Variants in COL21A1 observed in about 807,000 individuals in gnomAD.
The protein encoded by COL21A1 is collagen alpha-1(XXI) chain.
A neutral mutation model predicts 137.9 loss-of-function variants in COL21A1; 149 were observed. That is an observed-to-expected ratio of 1.08 (90% CI 0.95 to 1.24). The LOEUF (loss-of-function observed/expected upper bound fraction) is 1.24. Ranked by LOEUF, COL21A1 falls within the 50% of genes most tolerant of loss-of-function variation. COL21A1 has a pLI of 0.00. For synonymous variants in COL21A1, 456 were observed against 391.5 expected, an observed-to-expected ratio of 1.16 and a Z score of -1.95; for missense variants, 1,167 against 1,158.4, an observed-to-expected ratio of 1.01 and a Z score of -0.11.
chr6:56,368,101 C>A (rs1307198988), intron 1 of COL21A1, among the ~76,000 whole-genome samples: 1 of 152,178 alleles, frequency 6.6e-6, no homozygotes, highest in Non-Finnish European at 1.5e-5. Flanking sequence ...AAAATTTTAA[C>A]CTTTTCTAAT....
chr6:56,173,015 A>C (rs1011886793), intron 3 of COL21A1, among the ~76,000 whole-genome samples: 2 of 152,166 alleles, frequency 1.3e-5, no homozygotes, highest in African/African-American at 4.8e-5. Context: ...ACAGAAAATA[A>C]TTACCAAAAT....
chr6:56,244,055 C>T (rs1925157), intron 1 of COL21A1, among the ~76,000 whole-genome samples: 128,876 of 152,150 alleles, frequency 0.85, 54,742 homozygotes, highest in Admixed American at 0.91. Context: ...AGTTTCAAGA[C>T]TGACCTTAAT....
intron 1 of COL21A1, among the ~76,000 whole-genome samples, chr6:56,222,729 G>A (rs552747223): frequency 1.3e-5 from 2 of 151,400 alleles, no homozygotes; most frequent in Non-Finnish European, 2.9e-5. Context: ...TTTTCATGAG[G>A]TTATCAATCA....
At chr6:56,106,885 C>T (rs1020633352) in intron 16 of COL21A1, among the ~76,000 whole-genome samples, 1 of 151,998 alleles carries the variant, frequency 6.6e-6, no homozygotes, top group Non-Finnish European at 1.5e-5. Flanking sequence ...CTCCCGGGTT[C>T]ACGCCATTCT....
Position 56,340,777 on chromosome 6 carries a change from C to A in COL21A1, c.-39+53194G>T, listed in dbSNP as rs186242265. Among the ~76,000 whole-genome samples, 303 of 152,272 alleles carry A rather than the reference C, an allele frequency of 2.0e-3. 2 individuals carry two copies. The highest frequency in any genetic ancestry group is 6.9e-3 in the African/African-American group (287 of 41,546). ...AAAATCATGATAAATTAGTTAATAT[C>A]CACAAGTGATTTTAGATTGGGTTGG... On this transcript the variant is annotated intron_variant, in intron 1 of 28. Coordinates refer to the COL21A1 transcript ENST00000370819.
intron 1 of COL21A1, among the ~76,000 whole-genome samples, chr6:56,364,101 T>C (rs767192753): frequency 6.6e-6 from 1 of 151,932 alleles, no homozygotes; most frequent in Non-Finnish European, 1.5e-5. Flanking sequence ...AAAACAAATA[T>C]CTACATCTTT....
chr6:56,077,201 C>A (rs62406157), intron 18 of COL21A1, among the ~76,000 whole-genome samples: 22,987 of 151,148 alleles, frequency 0.15, 1,777 homozygotes, highest in Middle Eastern at 0.22. Flanking sequence ...TATTACCAAG[C>A]TATCTGTACT....
At chr6:56,292,671 G>C (rs545018338) in intron 1 of COL21A1, among the ~76,000 whole-genome samples, 46 of 152,086 alleles carry the variant, frequency 3.0e-4, no homozygotes, top group Non-Finnish European at 6.5e-4. Context: ...GAAATAACTG[G>C]TCAGTGCATG....
chr6:56,221,203 G>A (rs1302582756), intron 1 of COL21A1, among the ~76,000 whole-genome samples: 5 of 152,032 alleles, frequency 3.3e-5, no homozygotes, highest in Non-Finnish European at 1.5e-5. Flanking sequence ...AACCACAGAT[G>A]TTCCCAGATA....
At chr6:56,323,074 G>A (rs993101152) in intron 1 of COL21A1, among the ~76,000 whole-genome samples, 2 of 152,040 alleles carry the variant, frequency 1.3e-5, no homozygotes, top group African/African-American at 4.8e-5. Context: ...TGGGTACAAT[G>A]TACACTATTT....
rs767431867 is a variant in COL21A1, at chr6:56,170,724, G to T, written c.951C>A (p.Asp317Glu). ...TGGTTGTTGTAAATAATAAGATTTT[G>T]TCCACACCATTTAAGGTAACTGCTA... ...PQIAVTLNGV[D>E]KILLFTTTSV... Residue 317 changes from aspartate to glutamate, a missense_variant, in exon 5 of 30, where the codon GAC (aspartate) becomes GAA (glutamate). By Grantham distance (45) the Asp-to-Glu change is conservative (BLOSUM62 2). Coordinates refer to ENST00000244728, the MANE Select transcript of COL21A1 (RefSeq NM_030820.4). 3.7e-6 allele frequency: 6 copies of T among 1,607,418 alleles called. No individual in the cohort carries two copies. Among genetic ancestry groups the T allele is most frequent in the Non-Finnish European group, 5.1e-6 (6 of 1,176,096 alleles).
chr6:56,150,821 C>A (rs1244628915), intron 10 of COL21A1, among the ~76,000 whole-genome samples: 1 of 152,182 alleles, frequency 6.6e-6, no homozygotes, highest in Non-Finnish European at 1.5e-5. Flanking sequence ...AACAGAGAAA[C>A]TGAGGCCCAT....
At chr6:56,272,869 CT>C (rs2152332694) in intron 1 of COL21A1, among the ~76,000 whole-genome samples, 2 of 152,310 alleles carry the variant, frequency 1.3e-5, no homozygotes, top group Non-Finnish European at 2.9e-5. Flanking sequence ...CCATATGGAA[CT>C]GTGTGTCAAT....
At chr6:56,265,439 A>C (rs1399268802) in intron 1 of COL21A1, among the ~76,000 whole-genome samples, 1 of 152,234 alleles carries the variant, frequency 6.6e-6, no homozygotes, top group Admixed American at 6.5e-5. Context: ...AACTAAGGAG[A>C]CAACTGTCCC....
At chr6:56,132,166 T>A (rs796683929) in intron 12 of COL21A1, among the ~76,000 whole-genome samples, 4 of 151,420 alleles carry the variant, frequency 2.6e-5, no homozygotes, top group Non-Finnish European at 4.4e-5. Context: ...AGATAAAAAA[T>A]TTTTAGGTTA....
chr6:56,159,565 T>A (rs1661664325), intron 9 of COL21A1, among the ~76,000 whole-genome samples: 1 of 151,550 alleles, frequency 6.6e-6, no homozygotes. Context: ...ACTCCTGACC[T>A]CATGATCCAT....
intron 1 of COL21A1, among the ~76,000 whole-genome samples, chr6:56,213,058 A>G (rs1325230612): frequency 2.0e-5 from 3 of 152,066 alleles, no homozygotes; most frequent in Admixed American, 1.3e-4. Context: ...TTTCTTTTCT[A>G]TTAAAAAGTA....
intron 17 of COL21A1, 22 bp from the exon 18 acceptor site, chr6:56,077,595 T>C: frequency 6.9e-7 from 1 of 1,457,058 alleles, no homozygotes; most frequent in Non-Finnish European, 9.3e-7. Flanking sequence ...TAAAATAGAT[T>C]TTTAACTTAT....
chr6:56,311,963 T>C (rs957640103), intron 1 of COL21A1, among the ~76,000 whole-genome samples: 1 of 152,142 alleles, frequency 6.6e-6, no homozygotes, highest in Admixed American at 6.5e-5. Flanking sequence ...GACTGAAGGT[T>C]TGCGGTAGTA....
Sources: gnomAD v4.1 joint callset for allele counts (sites outside exome capture counted in the v4.1 genomes callset) on GRCh38, gnomAD v4.1.1 for gene constraint, MANE v1.5 for transcripts, NCBI Gene and HGNC (gene_info 2026-07-23, HGNC 2026-07-21) for gene names.